Variants in KCNIP3 observed in about 807,000 individuals in gnomAD.
KCNIP3 encodes potassium voltage-gated channel interacting protein 3.
Under a neutral mutation model 35.0 loss-of-function variants are expected in KCNIP3, and 28 were observed. That is an observed-to-expected ratio of 0.80 (90% CI 0.59 to 1.10). KCNIP3 has a LOEUF of 1.10. Among genes scored for constraint, KCNIP3 ranks in the 50% least tolerant of loss-of-function variants. The pLI is 0.00. For synonymous variants in KCNIP3, 134 were observed against 133.8 expected, an observed-to-expected ratio of 1.00 and a Z score of -0.01; for missense variants, 295 against 338.4, an observed-to-expected ratio of 0.87 and a Z score of 1.01.
At chr2:95,358,992 T>TA (rs57220663) in intron 2 of KCNIP3, among the ~76,000 whole-genome samples, 13 of 151,904 alleles carry the variant, frequency 8.6e-5, no homozygotes, top group South Asian at 8.3e-4. Context: ...TTTTTTTTTT[T>TA]AAAAAAAGGT....
chr2:95,374,805 G>T, intron 3 of KCNIP3, 43 bp from the exon 4 acceptor site: 1 of 1,602,712 alleles, frequency 6.2e-7, no homozygotes. Context: ...CGGGCTTGGA[G>T]CTGGGGGTGG....
chr2:95,313,517 C>T (rs1290870754), intron 2 of KCNIP3: 2 of 152,288 alleles, frequency 1.3e-5, no homozygotes, highest in East Asian at 3.9e-4. Flanking sequence ...CTTCCATGAC[C>T]CGGAAGCTGG....
At chr2:95,361,728 C>T (rs1344197345) in intron 2 of KCNIP3, among the ~76,000 whole-genome samples, 3 of 152,166 alleles carry the variant, frequency 2.0e-5, no homozygotes, top group Non-Finnish European at 2.9e-5. Flanking sequence ...CCCTAGGAAA[C>T]ATAGCTGGGA....
chr2:95,360,448 G>A (rs1216862584), intron 2 of KCNIP3, among the ~76,000 whole-genome samples: 2 of 152,098 alleles, frequency 1.3e-5, no homozygotes. Flanking sequence ...TTCTGTTCAT[G>A]GCGACAGGCT....
intron 1 of KCNIP3, among the ~76,000 whole-genome samples, chr2:95,300,175 C>T (rs1677986833): frequency 6.6e-6 from 1 of 152,202 alleles, no homozygotes; most frequent in Non-Finnish European, 1.5e-5. Flanking sequence ...GTCTGTTGTG[C>T]CCTCTGAGCC....
intron 1 of KCNIP3, among the ~76,000 whole-genome samples, chr2:95,306,282 G>T (rs1034591201): frequency 1.3e-5 from 2 of 151,978 alleles, no homozygotes; most frequent in African/African-American, 2.4e-5. Context: ...TGCCATCCAC[G>T]TGTCCTCTCT....
At chr2:95,324,632 G>C (rs1324600360) in intron 2 of KCNIP3, among the ~76,000 whole-genome samples, 1 of 151,752 alleles carries the variant, frequency 6.6e-6, no homozygotes, top group Non-Finnish European at 1.5e-5. Flanking sequence ...GACAGTTTTG[G>C]CCTGGCATGG....
At chr2:95,305,404 G>A (rs1201681846) in intron 1 of KCNIP3, among the ~76,000 whole-genome samples, 1 of 152,174 alleles carries the variant, frequency 6.6e-6, no homozygotes, top group East Asian at 1.9e-4. Context: ...ACTTAACCTG[G>A]TTTCCCCAAT....
At chr2:95,334,968 C>A (rs1400855855) in intron 2 of KCNIP3, among the ~76,000 whole-genome samples, 3 of 152,236 alleles carry the variant, frequency 2.0e-5, no homozygotes, top group Admixed American at 2.0e-4. Flanking sequence ...ATTCCCAGAG[C>A]TATGCAGTGA....
rs542883430 is a variant in KCNIP3 at position 95,325,690 on chromosome 2, TACAC to T, written c.181+15173_181+15176del. Among the ~76,000 whole-genome samples the T allele has an allele frequency of 2.8e-3, 399 of 143,046 alleles. 1 individual carries two copies. Among genetic ancestry groups the T allele is most frequent in the Middle Eastern group, 8.4e-3 (2 of 238 alleles). The allele number at this position is 143,046 out of a possible 152,430, so 93.8% of individuals were successfully genotyped here. On this transcript the variant is annotated intron_variant, in intron 2 of 8. Transcript: ENST00000295225. Reference sequence around the variant, plus strand: ...TCATACACATACACACTCATACACATACACACTCATACATACACACAGTCATACA... The same window carrying T: ...TCATACACATACACACTCATACACATACTCATACATACACACAGTCATACA...
rs540813401 is a variant in KCNIP3 at position 95,319,717 on chromosome 2, C to T, written c.181+9197C>T. 3.3e-5 allele frequency among the ~76,000 whole-genome samples: 5 copies of T among 152,228 alleles called. No homozygotes were observed. The East Asian group carries it at 5.8e-4, about 18-fold the overall frequency. ...CCATGATGTTGCCATAAGCAAGAGT[C>T]CGTATCGTCTGGAGCTCCGGGCGCC... On this transcript the variant is annotated intron_variant, in intron 2 of 8. Coordinates refer to ENST00000295225, the MANE Select transcript of KCNIP3 (RefSeq NM_013434.5).
At chr2:95,362,539 G>T (rs934795108) in intron 2 of KCNIP3, among the ~76,000 whole-genome samples, 31 of 152,230 alleles carry the variant, frequency 2.0e-4, no homozygotes, top group African/African-American at 7.5e-4. Context: ...CTTCAACGAT[G>T]AAGTTGAGGG....
intron 2 of KCNIP3, among the ~76,000 whole-genome samples, chr2:95,363,073 A>G (rs1049566364): frequency 1.3e-5 from 2 of 152,084 alleles, no homozygotes; most frequent in African/African-American, 4.8e-5. Context: ...ATCTTCTTCT[A>G]TTCTGTTGAG....
At chr2:95,325,778 CACACTCATACACACTCATACACACAT>C (rs1220945715) in intron 2 of KCNIP3, among the ~76,000 whole-genome samples, 4 of 151,168 alleles carry the variant, frequency 2.6e-5, no homozygotes, top group Admixed American at 6.6e-5. Flanking sequence ...CTCATATACA[CACACTCATACACACTCATACACACAT>C]ACACTCATAC....
At chr2:95,379,609 CTT>C (rs1238320241) in intron 5 of KCNIP3, among the ~76,000 whole-genome samples, 1 of 152,240 alleles carries the variant, frequency 6.6e-6, no homozygotes, top group South Asian at 2.1e-4. Context: ...TGAGCTGTAA[CTT>C]TGGAGCGTTT....
chr2:95,359,509 G>A (rs571845316), intron 2 of KCNIP3, among the ~76,000 whole-genome samples: 4 of 152,274 alleles, frequency 2.6e-5, no homozygotes, highest in Non-Finnish European at 5.9e-5. Context: ...TGGTGGGCTC[G>A]GCAGCCACAG....
chr2:95,321,646 T>C (rs926964350), intron 2 of KCNIP3, among the ~76,000 whole-genome samples: 23 of 152,186 alleles, frequency 1.5e-4, no homozygotes, highest in African/African-American at 5.5e-4. Flanking sequence ...ACAGAGCTGA[T>C]TTAAGAGAAA....
At chr2:95,329,721 A>G (rs1050622012) in intron 2 of KCNIP3, among the ~76,000 whole-genome samples, 1 of 152,244 alleles carries the variant, frequency 6.6e-6, no homozygotes, top group Non-Finnish European at 1.5e-5. Context: ...CCCCTGCGTC[A>G]GGTTTGTGGC....
intron 2 of KCNIP3, among the ~76,000 whole-genome samples, chr2:95,359,658 T>C (rs1287319845): frequency 6.6e-6 from 1 of 152,258 alleles, no homozygotes; most frequent in African/African-American, 2.4e-5. Context: ...AACAGGTCTC[T>C]GCCTGGACCC....
Sources: gnomAD v4.1 joint callset for allele counts (sites outside exome capture counted in the v4.1 genomes callset) on GRCh38, gnomAD v4.1.1 for gene constraint, MANE v1.5 for transcripts, NCBI Gene and HGNC (gene_info 2026-07-23, HGNC 2026-07-21) for gene names.